The following ELMO1 variants were observed in gnomAD, a reference collection of about 807,000 sequenced individuals.
ELMO1 encodes engulfment and cell motility protein 1.
ELMO1 carries 26 observed loss-of-function variants against 98.9 expected under a neutral mutation model. That is an observed-to-expected ratio of 0.26 (90% CI 0.19 to 0.36). The LOEUF (loss-of-function observed/expected upper bound fraction) is 0.36. ELMO1 is among the 10% of genes least tolerant of loss of function. The pLI, the probability that ELMO1 is intolerant of heterozygous loss-of-function variation, is 1.00. For synonymous variants in ELMO1, 346 were observed against 346.0 expected (o/e 1.00, Z 0.00); for missense variants, 627 against 935.2 (o/e 0.67, Z 4.30).
At chr7:37,078,823 C>T (rs1562986609) in intron 15 of ELMO1, among the ~76,000 whole-genome samples, 1 of 151,940 alleles carries the variant, frequency 6.6e-6, no homozygotes, top group Non-Finnish European at 1.5e-5. Context: ...AATAATGATA[C>T]AATTATATTT....
At chr7:37,140,841 G>C (rs1787588015) in intron 13 of ELMO1, among the ~76,000 whole-genome samples, 1 of 152,102 alleles carries the variant, frequency 6.6e-6, no homozygotes, top group Non-Finnish European at 1.5e-5. Flanking sequence ...AATACCACCT[G>C]ACTCCTATAA....
intron 14 of ELMO1, among the ~76,000 whole-genome samples, chr7:37,114,666 T>C (rs1785463198): frequency 6.6e-6 from 1 of 151,838 alleles, no homozygotes. Context: ...GAGAAAAATA[T>C]ACAAAATCAA....
chr7:37,410,020 T>C (rs1299427469), intron 1 of ELMO1, among the ~76,000 whole-genome samples: 1 of 152,200 alleles, frequency 6.6e-6, no homozygotes, highest in African/African-American at 2.4e-5. Flanking sequence ...CAAAGTCACA[T>C]AGCTATTAAG....
At chr7:36,912,683 T>A (rs1051644089) in intron 16 of ELMO1, among the ~76,000 whole-genome samples, 4 of 152,200 alleles carry the variant, frequency 2.6e-5, no homozygotes, top group African/African-American at 7.2e-5. Flanking sequence ...ATATCTTTTG[T>A]AAGGCATTTT....
At chr7:37,346,336 T>C (rs925586719) in intron 1 of ELMO1, among the ~76,000 whole-genome samples, 2 of 152,232 alleles carry the variant, frequency 1.3e-5, no homozygotes, top group Non-Finnish European at 2.9e-5. Flanking sequence ...AAATTTCGCA[T>C]CCTCTTTGAG....
In ELMO1 at chr7:36,870,527, T is replaced by G; in HGVS notation, c.1823-52A>C. On this transcript the variant is annotated intron_variant, in intron 19 of 21. Transcript: ENST00000310758. The surrounding 1 kb of genome is among the most constrained non-coding windows in gnomAD (Gnocchi z 4.4). Reference sequence around the variant, plus strand: ...TAACTACACCATGTGAAAACTTTGATGTCAATAAAGAAACAGGACTAAGCA... The same window carrying G: ...TAACTACACCATGTGAAAACTTTGAGGTCAATAAAGAAACAGGACTAAGCA... 1 of 1,576,650 alleles carries G rather than the reference T, an allele frequency of 6.3e-7. No homozygotes were observed. Among genetic ancestry groups the G allele is most frequent in the Non-Finnish European group, 8.7e-7 (1 of 1,153,386 alleles).
At chr7:37,199,932 C>T (rs547610809) in intron 13 of ELMO1, among the ~76,000 whole-genome samples, 2 of 152,326 alleles carry the variant, frequency 1.3e-5, no homozygotes, top group South Asian at 2.1e-4. Flanking sequence ...GAAGAGCCCA[C>T]TGTGCAGAGG....
intron 16 of ELMO1, among the ~76,000 whole-genome samples, chr7:36,984,137 T>G (rs1791314904): frequency 6.6e-6 from 1 of 152,178 alleles, no homozygotes; most frequent in South Asian, 2.1e-4. Flanking sequence ...TGTCACTTAA[T>G]GCACATCCTC....
intron 13 of ELMO1, among the ~76,000 whole-genome samples, chr7:37,179,930 T>C (rs2129969871): frequency 6.6e-6 from 1 of 152,328 alleles, no homozygotes; most frequent in East Asian, 1.9e-4. Context: ...TGGGGAATTT[T>C]TCACCATGCC....
At chr7:37,020,134 G>T (rs576954003) in intron 15 of ELMO1, among the ~76,000 whole-genome samples, 1 of 152,274 alleles carries the variant, frequency 6.6e-6, no homozygotes, top group East Asian at 1.9e-4. Flanking sequence ...CCTTACAAAG[G>T]TCATTGCAGC....
intron 13 of ELMO1, among the ~76,000 whole-genome samples, chr7:37,167,270 G>C (rs1789777071): frequency 6.6e-6 from 1 of 152,092 alleles, no homozygotes; most frequent in Admixed American, 6.5e-5. Context: ...ACAGCACACT[G>C]ATGGGTCTTG....
chr7:37,114,015 T>G (rs1785408837), intron 14 of ELMO1, among the ~76,000 whole-genome samples: 1 of 152,126 alleles, frequency 6.6e-6, no homozygotes, highest in South Asian at 2.1e-4. Flanking sequence ...CTGATCTCTG[T>G]GGGTGGAGTT....
chr7:37,344,843 T>C lies in ELMO1; in HGVS notation c.-73-2080A>G, dbSNP rs577443250. 2.6e-5 allele frequency among the ~76,000 whole-genome samples: 4 copies of C among 152,346 alleles called. No individual in the cohort carries two copies. The East Asian group carries it at 7.7e-4, about 29-fold the overall frequency. ...TTTTTGTGAACAGTCCAAACATTTGTCCCTTTTCTATTGGGTTCTCTTGTC... is the reference window on the plus strand; with the variant it reads ...TTTTTGTGAACAGTCCAAACATTTGCCCCTTTTCTATTGGGTTCTCTTGTC... On this transcript the variant is annotated intron_variant, in intron 1 of 21. Coordinates refer to ENST00000310758, the MANE Select transcript of ELMO1 (RefSeq NM_014800.11).
At chr7:37,168,665 C>T (rs1008512956) in intron 13 of ELMO1, among the ~76,000 whole-genome samples, 33 of 152,066 alleles carry the variant, frequency 2.2e-4, no homozygotes, top group East Asian at 1.2e-3. Flanking sequence ...TTTCGTGAAC[C>T]GTGAATGCTG....
chr7:37,432,350 T>C (rs1303675681), intron 1 of ELMO1, among the ~76,000 whole-genome samples: 1 of 152,140 alleles, frequency 6.6e-6, no homozygotes, highest in Non-Finnish European at 1.5e-5. Context: ...TTATTGTACT[T>C]GTATTGAGGG....
At chr7:37,365,508 CTT>C (rs1801869320) in intron 1 of ELMO1, among the ~76,000 whole-genome samples, 1 of 152,204 alleles carries the variant, frequency 6.6e-6, no homozygotes, top group Non-Finnish European at 1.5e-5. Flanking sequence ...GAGAAGCCTT[CTT>C]CTACCCATCA....
At chr7:36,947,741 T>C (rs192463205) in intron 16 of ELMO1, among the ~76,000 whole-genome samples, 1 of 152,208 alleles carries the variant, frequency 6.6e-6, no homozygotes, top group Admixed American at 6.5e-5. Context: ...CATTTCTTGC[T>C]CCTTTCCTCC....
At chr7:37,134,828 ACATAT>A (rs1213524890) in intron 13 of ELMO1, among the ~76,000 whole-genome samples, 3 of 152,228 alleles carry the variant, frequency 2.0e-5, no homozygotes, top group Non-Finnish European at 4.4e-5. Context: ...GTCAAATGTC[ACATAT>A]TCTCACATAG....
At chr7:37,093,457 C>CA (rs893458623) in intron 15 of ELMO1, among the ~76,000 whole-genome samples, 2 of 152,172 alleles carry the variant, frequency 1.3e-5, no homozygotes, top group African/African-American at 4.8e-5. Flanking sequence ...CCATGGTCTT[C>CA]AAGGTTAATT....
Sources: allele counts gnomAD v4.1 joint callset (sites outside exome capture counted in the v4.1 genomes callset), GRCh38; gene constraint gnomAD v4.1.1; non-coding constraint Gnocchi (gnomAD v3.1); transcripts MANE v1.5; gene names NCBI Gene and HGNC (gene_info 2026-07-23, HGNC 2026-07-21).